Variants in TMCO4 observed in about 807,000 individuals in gnomAD.
TMCO4 encodes transmembrane and coiled-coil domains 4, also known as transmembrane and coiled-coil domain-containing protein 4.
TMCO4 carries 58 observed loss-of-function variants against 64.7 expected under a neutral mutation model. The observed-to-expected ratio is 0.90, with a 90% CI of 0.73 to 1.12. The LOEUF (loss-of-function observed/expected upper bound fraction) is 1.12. TMCO4 is among the 50% of genes most tolerant of loss of function. The pLI, the probability that TMCO4 is intolerant of heterozygous loss-of-function variation, is 0.00. For missense variants in TMCO4, 780 were observed against 825.9 expected, an observed-to-expected ratio of 0.94 and a Z score of 0.68; for synonymous variants, 325 against 346.1, an observed-to-expected ratio of 0.94 and a Z score of 0.68.
chr1:19,796,608 C>T (rs1234553314), intron 2 of TMCO4, among the ~76,000 whole-genome samples: 1 of 152,074 alleles, frequency 6.6e-6, no homozygotes, highest in Non-Finnish European at 1.5e-5. Context: ...TGGAGTCTTG[C>T]TCTGTTGCCA....
chr1:19,706,468 A>G (rs2095303838), intron 13 of TMCO4, among the ~76,000 whole-genome samples: 1 of 152,234 alleles, frequency 6.6e-6, no homozygotes, highest in South Asian at 2.1e-4. Context: ...AGACATTAGG[A>G]GAGCCCTATA....
intron 6 of TMCO4, among the ~76,000 whole-genome samples, chr1:19,767,969 G>A (rs150499489): frequency 0.016 from 2,509 of 152,192 alleles, 69 homozygotes; most frequent in African/African-American, 0.057. Flanking sequence ...GCACATGCCT[G>A]TAATCCCAGC....
In TMCO4 at chr1:19,739,889, C is replaced by T. The variant is rs775815849; in HGVS notation, c.1114G>A (p.Val372Met). Residue 372 changes from valine (V) to methionine (M), a missense_variant, in exon 12 of 16, where the codon GTG becomes ATG. By Grantham distance (21) the Val-to-Met change is conservative (BLOSUM62 1). Coordinates refer to ENST00000294543, the MANE Select transcript of TMCO4 (RefSeq NM_181719.7). ...ACCTCTGCTGATCGATGGAGACACA[C>T]CCCCCAGGGGTTGTCGATGACATTG... is the stretch of plus-strand genomic sequence containing the variant. ...VANVIDNPWG[V>M]CLHRSAEVGK... 4 of 1,613,784 alleles carry T rather than the reference C, an allele frequency of 2.5e-6. No homozygotes were observed. Among genetic ancestry groups the T allele is most frequent in the East Asian group, 2.2e-5 (1 of 44,850 alleles).
intron 4 of TMCO4, among the ~76,000 whole-genome samples, chr1:19,779,966 C>T (rs1368591218): frequency 6.6e-6 from 1 of 152,056 alleles, no homozygotes; most frequent in Non-Finnish European, 1.5e-5. Flanking sequence ...GATGTCTTAT[C>T]CCCCCACCAG....
chr1:19,783,290 C>G (rs544519442), intron 3 of TMCO4, among the ~76,000 whole-genome samples: 45 of 152,300 alleles, frequency 3.0e-4, no homozygotes, highest in South Asian at 6.2e-4. Flanking sequence ...TACAGCCAGT[C>G]AATGGCAGAC....
intron 7 of TMCO4, among the ~76,000 whole-genome samples, chr1:19,755,040 G>A (rs957897094): frequency 1.3e-4 from 20 of 152,178 alleles, no homozygotes; most frequent in Non-Finnish European, 1.6e-4. Flanking sequence ...GGTGTCATAA[G>A]AGCCTGAGGT....
At chr1:19,730,080 G>A (rs1292737043) in intron 13 of TMCO4, among the ~76,000 whole-genome samples, 2 of 152,226 alleles carry the variant, frequency 1.3e-5, no homozygotes, top group African/African-American at 4.8e-5. Context: ...TTACCAAATG[G>A]TTCTAGCTCT....
intron 15 of TMCO4, among the ~76,000 whole-genome samples, chr1:19,692,678 C>T (rs1321242354): frequency 6.6e-6 from 1 of 151,456 alleles, no homozygotes; most frequent in African/African-American, 2.4e-5. Context: ...ACCTGGGAGG[C>T]GGAGGTTGCA....
chr1:19,700,676 G>T, intron 14 of TMCO4, 92 bp downstream of exon 14: 1 of 1,159,626 alleles, frequency 8.6e-7, no homozygotes, highest in Non-Finnish European at 1.3e-6. Flanking sequence ...CAGGGATTAG[G>T]TCTCAAATAT....
At chr1:19,759,868 C>G (rs971754054) in intron 6 of TMCO4, among the ~76,000 whole-genome samples, 1 of 152,224 alleles carries the variant, frequency 6.6e-6, no homozygotes, top group Non-Finnish European at 1.5e-5. Context: ...TCTCCCAGTG[C>G]TTGGGACAAT....
chr1:19,763,458 A>G (rs2042595369), intron 6 of TMCO4, among the ~76,000 whole-genome samples: 1 of 152,210 alleles, frequency 6.6e-6, no homozygotes, highest in Non-Finnish European at 1.5e-5. Context: ...CCTGGGACAC[A>G]GTAAGTGCCC....
chr1:19,753,048 C>T (rs2042089733), intron 7 of TMCO4, among the ~76,000 whole-genome samples: 1 of 151,964 alleles, frequency 6.6e-6, no homozygotes. Context: ...CAACCTCCGC[C>T]TCCTGGGTTC....
At position 19,792,765 on chromosome 1, in the gene TMCO4, AT is replaced by A. The variant is rs71579823; in HGVS notation, c.-101+5371del. On this transcript the variant is annotated intron_variant, in intron 2 of 15. Transcript: ENST00000294543. The stretch of plus-strand genomic sequence containing the variant: ...GAGCAGTCAGTGAAGGTCAAGGTCA[AT>A]TTTTTTTTTTTTTTTTTTTTTTCAG... 6.8e-3 allele frequency among the ~76,000 whole-genome samples: 608 copies of A among 89,630 alleles called. 1 individual carries two copies. Among genetic ancestry groups the A allele is most frequent in the Middle Eastern group, 0.017 (2 of 120 alleles). 58.8% of individuals were successfully genotyped at this position (89,630 alleles called of 152,430 possible).
chr1:19,794,366 G>A (rs867822452), intron 2 of TMCO4, among the ~76,000 whole-genome samples: 3 of 152,246 alleles, frequency 2.0e-5, no homozygotes, highest in South Asian at 2.1e-4. Flanking sequence ...GCTTATCTTC[G>A]ATCTCCCTCT....
At chr1:19,740,735 CAGT>C in intron 11 of TMCO4, 39 bp downstream of exon 11, 1 of 1,578,934 alleles carries the variant, frequency 6.3e-7, no homozygotes, top group Non-Finnish European at 8.6e-7. Context: ...GGGATGAAGG[CAGT>C]GGGCATGCTG....
intron 7 of TMCO4, among the ~76,000 whole-genome samples, chr1:19,749,116 T>C (rs1252760331): frequency 6.6e-6 from 1 of 152,230 alleles, no homozygotes; most frequent in Non-Finnish European, 1.5e-5. Context: ...ACCATGTGCA[T>C]CTAGCACAGT....
At chr1:19,733,277 A>AT (rs1212210767) in intron 13 of TMCO4, among the ~76,000 whole-genome samples, 429 of 151,984 alleles carry the variant, frequency 2.8e-3, no homozygotes, top group African/African-American at 1.0e-2. Context: ...AAAAAAAAAA[A>AT]TTTTTTTTCT....
In TMCO4 at chr1:19,792,207, A is replaced by G. The variant is rs548896469; in HGVS notation, c.-100-5090T>C. ...AATACACCAAGGAACTCCAAGAAAG[A>G]CCCATACTTAACCTAGAAGAGGATG... is the stretch of plus-strand genomic sequence containing the variant. On this transcript the variant is annotated intron_variant, in intron 2 of 15. Coordinates refer to ENST00000294543, the MANE Select transcript of TMCO4 (RefSeq NM_181719.7). Among the ~76,000 whole-genome samples the G allele has an allele frequency of 5.9e-5, 9 of 152,302 alleles. No homozygotes were observed. In the South Asian group the frequency reaches 1.9e-3, roughly 32 times the overall value.
Position 19,740,096 on chromosome 1 carries a change from A to G in TMCO4, c.1043-136T>C, listed in dbSNP as rs750813714. The G allele has an allele frequency of 1.7e-4, 171 of 1,007,126 alleles. 1 individual carries two copies. The highest frequency in any genetic ancestry group is 2.3e-4 in the Non-Finnish European group (163 of 707,416). 62.4% of individuals were successfully genotyped at this position (1,007,126 alleles called of 1,614,324 possible). A position where few individuals can be genotyped will look rare whatever the true frequency, so the allele number is the denominator to read the frequency against. ...CTGCAAGTTTGCCAATCAAACTGCT[A>G]AAGAACAAAGAAATCCGAAACTCAT... On this transcript the variant is annotated intron_variant, in intron 11 of 15. Coordinates refer to ENST00000294543, the MANE Select transcript of TMCO4 (RefSeq NM_181719.7).
Sources: gnomAD v4.1 joint callset for allele counts (sites outside exome capture counted in the v4.1 genomes callset) on GRCh38, gnomAD v4.1.1 for gene constraint, MANE v1.5 for transcripts, NCBI Gene and HGNC (gene_info 2026-07-23, HGNC 2026-07-21) for gene names.